The following ZNF90 variants were observed in gnomAD, a reference collection of about 807,000 sequenced individuals.
ZNF90 encodes the protein zinc finger protein 90.
ZNF90 carries 11 observed loss-of-function variants against 12.0 expected under a neutral mutation model. The ratio of observed to expected loss-of-function variants is 0.92; its 90% confidence interval spans 0.58 to 1.52. The LOEUF is 1.52. Among genes scored for constraint, ZNF90 ranks in the 40% most tolerant of loss-of-function variants. The pLI, the probability that ZNF90 is intolerant of heterozygous loss-of-function variation, is 0.00. For missense variants in ZNF90, 765 were observed against 711.5 expected (o/e 1.08, Z -0.86); for synonymous variants, 232 against 240.1 (o/e 0.97, Z 0.31).
At chr19:20,108,321 T>A (rs1226383273) in intron 3 of ZNF90, among the ~76,000 whole-genome samples, 5 of 152,158 alleles carry the variant, frequency 3.3e-5, no homozygotes, top group Non-Finnish European at 7.4e-5. Context: ...TTAAAAAAAA[T>A]TTTTTGGAGA....
At chr19:20,078,162 G>A (rs575529892) in intron 1 of ZNF90, 27 bp downstream of exon 1, 1 of 1,614,134 alleles carries the variant, frequency 6.2e-7, no homozygotes, top group South Asian at 1.1e-5. Flanking sequence ...AGCATTCCGA[G>A]AGAGGGGAGG....
intron 2 of ZNF90, 42 bp downstream of exon 2, chr19:20,104,407 G>T (rs782633272): frequency 6.5e-7 from 1 of 1,544,876 alleles, no homozygotes; most frequent in Non-Finnish European, 8.7e-7. Context: ...ATACCCTAAA[G>T]GTTGTTTTTA....
At chr19:20,097,100 T>C (rs2088953799) in intron 1 of ZNF90, among the ~76,000 whole-genome samples, 1 of 152,228 alleles carries the variant, frequency 6.6e-6, no homozygotes, top group South Asian at 2.1e-4. Context: ...GGTGACCATC[T>C]TTCTATCTTT....
At chr19:20,115,398 GTC>G (rs1409818334) in intron 3 of ZNF90, among the ~76,000 whole-genome samples, 1 of 145,548 alleles carries the variant, frequency 6.9e-6, no homozygotes, top group African/African-American at 2.6e-5. Flanking sequence ...TTGTATCTTT[GTC>G]TCTCATTTTC....
In ZNF90 at chr19:20,119,471, G is replaced by A. The variant is rs750787820; in HGVS notation, c.*111G>A. On this transcript the variant is annotated 3_prime_UTR_variant, in exon 4 of 4. Transcript: ENST00000418063. Reference sequence around the variant, plus strand: ...CCACCCCTCTACTCTTACTAAATATGAGAATTTATATGAAACATAACTCCT... The same window carrying A: ...CCACCCCTCTACTCTTACTAAATATAAGAATTTATATGAAACATAACTCCT... 66 of 898,594 alleles carry A rather than the reference G, an allele frequency of 7.3e-5. No individual in the cohort carries two copies. Among genetic ancestry groups the A allele is most frequent in the Non-Finnish European group, 1.0e-4 (61 of 600,400 alleles). The allele number at this position is 898,594 out of a possible 1,614,324, so 55.7% of individuals were successfully genotyped here.
intron 1 of ZNF90, among the ~76,000 whole-genome samples, chr19:20,090,489 A>C (rs542445475): frequency 1.3e-5 from 2 of 152,168 alleles, no homozygotes; most frequent in African/African-American, 4.8e-5. Flanking sequence ...GGAATGGTGA[A>C]CCCAGTGGGG....
intron 1 of ZNF90, among the ~76,000 whole-genome samples, chr19:20,096,096 G>C (rs887030393): frequency 1.7e-4 from 26 of 152,312 alleles, no homozygotes; most frequent in Admixed American, 5.2e-4. Context: ...TAAGAGAAGG[G>C]AGAGATTGAA....
At chr19:20,093,560 G>T (rs2088919245) in intron 1 of ZNF90, among the ~76,000 whole-genome samples, 1 of 152,134 alleles carries the variant, frequency 6.6e-6, no homozygotes, top group Admixed American at 6.5e-5. Context: ...AACAGTCAGG[G>T]AAGCAGATAA....
In ZNF90 at chr19:20,105,231, C is replaced by T. The variant is rs1477120629; in HGVS notation, c.141C>T (p.Val47=). The change falls in exon 3 of 4, where the codon GTC becomes GTT. Residue 47 remains valine (V), a synonymous_variant. Coordinates refer to ENST00000418063, the MANE Select transcript of ZNF90 (RefSeq NM_007138.2). ...TTTTTAATAAAACAGGTATTGTTGT[C>T]ACTAAGCCAGACCTGATCACCTGTC... The part of the protein sequence containing the change: ...YRHLVFLGIV[V]TKPDLITCLE... The T allele has an allele frequency of 2.5e-6, 4 of 1,601,294 alleles. No homozygotes were observed. Among genetic ancestry groups the T allele is most frequent in the African/African-American group, 1.3e-5 (1 of 74,230 alleles).
At position 20,090,506 on chromosome 19, in the gene ZNF90, C is replaced by T. The variant is rs112841468; in HGVS notation, c.3+12371C>T. Among the ~76,000 whole-genome samples the T allele has an allele frequency of 4.2e-3, 637 of 152,256 alleles. 6 individuals carry two copies. Among genetic ancestry groups the T allele is most frequent in the African/African-American group, 0.015 (609 of 41,548 alleles). On this transcript the variant is annotated intron_variant, in intron 1 of 3. Transcript: ENST00000418063. ...AATGGTGAACCCAGTGGGGAGGATCCTGCAGGCGGACGGCAGTCGGGGACT... is the reference window on the plus strand; with the variant it reads ...AATGGTGAACCCAGTGGGGAGGATCTTGCAGGCGGACGGCAGTCGGGGACT...
chr19:20,117,996 G>C lies in ZNF90; in HGVS notation c.442G>C (p.Asp148His). Residue 148 changes from aspartate (D) to histidine (H), a missense_variant, in exon 4 of 4, where the codon GAT (aspartate) becomes CAT (histidine). Transcript: ENST00000418063. ...TACCCAGAGCAAAGTATTTCAATGT[G>C]ATACATATGTGAAAGTCTCTCATAT... ...TATQSKVFQC[D>H]TYVKVSHIFS... 6.2e-7 allele frequency: 1 copy of C among 1,612,972 alleles called. No individual in the cohort carries two copies. Among genetic ancestry groups the C allele is most frequent in the Non-Finnish European group, 8.5e-7 (1 of 1,179,476 alleles).
At chr19:20,086,388 C>T (rs2088860160) in intron 1 of ZNF90, among the ~76,000 whole-genome samples, 1 of 151,766 alleles carries the variant, frequency 6.6e-6, no homozygotes, top group South Asian at 2.1e-4. Flanking sequence ...GTGTGCCCAA[C>T]CATGCCTGTC....
In ZNF90 at chr19:20,120,756, T is replaced by C. The variant is rs181989643; in HGVS notation, c.*1396T>C. 6.6e-6 allele frequency: 1 copy of C among 152,332 alleles called. No homozygotes were observed. Among genetic ancestry groups the C allele is most frequent in the Non-Finnish European group, 1.5e-5 (1 of 68,018 alleles). The allele number at this position is 152,332 out of a possible 1,614,324, so 9.4% of individuals were successfully genotyped here. A position where few individuals can be genotyped will look rare whatever the true frequency, so the allele number is the denominator to read the frequency against. On this transcript the variant is annotated 3_prime_UTR_variant, in exon 4 of 4. Coordinates refer to ENST00000418063, the MANE Select transcript of ZNF90 (RefSeq NM_007138.2). Reference sequence around the variant, plus strand: ...ATTATATATAGCTTTAAAAGGTTTTTTGAAGCATTGTAATTACATTGAAAG... The same window carrying C: ...ATTATATATAGCTTTAAAAGGTTTTCTGAAGCATTGTAATTACATTGAAAG...
chr19:20,093,898 A>G (rs1430185057), intron 1 of ZNF90, among the ~76,000 whole-genome samples: 1 of 152,188 alleles, frequency 6.6e-6, no homozygotes, highest in Admixed American at 6.5e-5. Flanking sequence ...TTGCTAAGCC[A>G]AGCAGATCTG....
In ZNF90 at chr19:20,119,088, G is replaced by A; in HGVS notation, c.1534G>A (p.Glu512Lys). The A allele has an allele frequency of 6.2e-7, 1 of 1,612,278 alleles. No individual in the cohort carries two copies. The highest frequency in any genetic ancestry group is 8.5e-7 in the Non-Finnish European group (1 of 1,179,270). Residue 512 changes from glutamate (E) to lysine (K), a missense_variant, in exon 4 of 4, where the codon GAA becomes AAA. Physicochemically the swap from Glu to Lys is moderately conservative, Grantham distance 56. Coordinates refer to ENST00000418063, the MANE Select transcript of ZNF90 (RefSeq NM_007138.2). ...IHSGENPYKC[E>K]ECGKAFKRSS... ...CAGTGGAGAGAATCCCTACAAATGT[G>A]AAGAATGTGGCAAAGCCTTCAAGCG...
intron 1 of ZNF90, among the ~76,000 whole-genome samples, chr19:20,082,834 C>T (rs538898419): frequency 6.6e-6 from 1 of 152,296 alleles, no homozygotes; most frequent in East Asian, 1.9e-4. Context: ...GCATCTGTCT[C>T]CTGCTCCTCC....
chr19:20,111,727 C>T (rs139460940), intron 3 of ZNF90, among the ~76,000 whole-genome samples: 72 of 152,138 alleles, frequency 4.7e-4, no homozygotes, highest in African/African-American at 1.6e-3. Flanking sequence ...GTGGAGATTA[C>T]ATACATCTTA....
At position 20,121,153 on chromosome 19, in the gene ZNF90, C is replaced by A. The variant is rs2089191574; in HGVS notation, c.*1793C>A. 2 of 211,806 alleles carry A rather than the reference C, an allele frequency of 9.4e-6. No individual in the cohort carries two copies. The highest frequency in any genetic ancestry group is 2.3e-5 in the African/African-American group (1 of 42,814). 13.1% of individuals were successfully genotyped at this position (211,806 alleles called of 1,614,324 possible). On this transcript the variant is annotated 3_prime_UTR_variant, in exon 4 of 4. Transcript: ENST00000418063. Reference sequence around the variant, plus strand: ...TACTAATTTTATGTAATAAAATACACTACATTAAAAAATTGTTAGATTGTG... The same window carrying A: ...TACTAATTTTATGTAATAAAATACAATACATTAAAAAATTGTTAGATTGTG...
At position 20,104,237 on chromosome 19, in the gene ZNF90, A is replaced by C; in HGVS notation, c.4-2A>C. 6.2e-7 allele frequency: 1 copy of C among 1,613,740 alleles called. No homozygotes were observed. Among genetic ancestry groups the C allele is most frequent in the East Asian group, 2.2e-5 (1 of 44,846 alleles). On this transcript the variant is annotated splice_acceptor_variant, in intron 1 of 3. Transcript: ENST00000418063. LOFTEE classifies it high-confidence loss of function. Reference sequence around the variant, plus strand: ...GTGTGTGTGTATATGTGTGTTTTTCAGGGACCATTGGAATTTAGAGATGTG... The same window carrying C: ...GTGTGTGTGTATATGTGTGTTTTTCCGGGACCATTGGAATTTAGAGATGTG...
Sources: allele counts gnomAD v4.1 joint callset (sites outside exome capture counted in the v4.1 genomes callset), GRCh38; gene constraint gnomAD v4.1.1; transcripts MANE v1.5; gene names NCBI Gene and HGNC (gene_info 2026-07-23, HGNC 2026-07-21).